Variants in FAM167A observed in about 807,000 individuals in gnomAD.
FAM167A encodes the protein family with sequence similarity 167 member A, also known as protein FAM167A.
FAM167A carries 23 observed loss-of-function variants against 14.9 expected under a neutral mutation model. The observed-to-expected ratio is 1.55, with a 90% CI of 1.11 to 2.19. The LOEUF is 2.19. Among genes scored for constraint, FAM167A ranks in the 30% most tolerant of loss-of-function variants. The pLI is 0.00. For synonymous variants in FAM167A, 174 were observed against 117.7 expected (o/e 1.48, Z -3.10); for missense variants, 401 against 281.5 (o/e 1.42, Z -3.04).
At position 11,444,626 on chromosome 8, in the gene FAM167A, C is replaced by T; in HGVS notation, c.-215G>A. 1 of 1,363,796 alleles carries T rather than the reference C, an allele frequency of 7.3e-7. No individual in the cohort carries two copies. Among genetic ancestry groups the T allele is most frequent in the East Asian group, 2.8e-5 (1 of 35,274 alleles). The allele number at this position is 1,363,796 out of a possible 1,614,324, so 84.5% of individuals were successfully genotyped here. ...AGGGCGCCCTCCTGGAGGCTCGGGTCTATGATCCGTCCTGGAAGCCTGTGG... is the reference window on the plus strand; with the variant it reads ...AGGGCGCCCTCCTGGAGGCTCGGGTTTATGATCCGTCCTGGAAGCCTGTGG... On this transcript the variant is annotated 5_prime_UTR_variant, in exon 2 of 3. An upstream open reading frame in the 5' UTR loses its in-frame stop. Coordinates refer to ENST00000284486, the MANE Select transcript of FAM167A (RefSeq NM_053279.3).
chr8:11,468,047 C>T (rs960600184), upstream of FAM167A, among the ~76,000 whole-genome samples: 4 of 152,184 alleles, frequency 2.6e-5, no homozygotes, highest in Non-Finnish European at 5.9e-5. Context: ...AGCAGCTTGC[C>T]CTACCCAGTT....
At chr8:11,464,871 T>C (rs1318517742) in intron 1 of FAM167A, among the ~76,000 whole-genome samples, 1 of 152,202 alleles carries the variant, frequency 6.6e-6, no homozygotes, top group Non-Finnish European at 1.5e-5. Flanking sequence ...CAGCAAATAG[T>C]TAGGCATGGC....
chr8:11,438,143 A>C (rs544912162), intron 2 of FAM167A: 1 of 456,574 alleles, frequency 2.2e-6, no homozygotes, highest in East Asian at 6.9e-5. Flanking sequence ...CTGAATGGAC[A>C]TGGGGCTGGA....
chr8:11,469,968 T>C (rs1807903274), upstream of FAM167A, among the ~76,000 whole-genome samples: 1 of 152,172 alleles, frequency 6.6e-6, no homozygotes, highest in African/African-American at 2.4e-5. Context: ...TCCCAATTCG[T>C]TTATTCATCT....
At chr8:11,442,716 G>T (rs550541411) in intron 2 of FAM167A, among the ~76,000 whole-genome samples, 12 of 152,078 alleles carry the variant, frequency 7.9e-5, no homozygotes, top group African/African-American at 2.9e-4. Flanking sequence ...AGCACCAGGG[G>T]TGATAGAGCA....
At chr8:11,426,610 C>T (rs889144234) in intron 2 of FAM167A, among the ~76,000 whole-genome samples, 4 of 152,058 alleles carry the variant, frequency 2.6e-5, no homozygotes, top group African/African-American at 9.7e-5. Flanking sequence ...CTATGCCTTT[C>T]CTCAAAGATG....
At chr8:11,470,009 T>C (rs1228747652), upstream of FAM167A, among the ~76,000 whole-genome samples, 1 of 152,272 alleles carries the variant, frequency 6.6e-6, no homozygotes, top group East Asian at 1.9e-4. Context: ...TACCACTAAA[T>C]ACCAGACATT....
intron 1 of FAM167A, among the ~76,000 whole-genome samples, chr8:11,455,894 AGT>A (rs1335974022): frequency 1.7e-5 from 1 of 57,516 alleles, no homozygotes; most frequent in Admixed American, 1.8e-4. Context: ...TGCCTTGCAG[AGT>A]GTGAGTGTGA....
At chr8:11,460,817 A>C (rs891895498) in intron 1 of FAM167A, among the ~76,000 whole-genome samples, 2 of 151,050 alleles carry the variant, frequency 1.3e-5, no homozygotes, top group Non-Finnish European at 3.0e-5. Context: ...TCCGAGTTGA[A>C]CCCTGCATCT....
At chr8:11,436,337 A>C (rs1408537053) in intron 2 of FAM167A, among the ~76,000 whole-genome samples, 1 of 152,200 alleles carries the variant, frequency 6.6e-6, no homozygotes, top group Non-Finnish European at 1.5e-5. Context: ...CCTGGAGAGC[A>C]AGTGGGGGCC....
chr8:11,442,552 A>G (rs61707317), intron 2 of FAM167A, among the ~76,000 whole-genome samples: 3 of 152,206 alleles, frequency 2.0e-5, no homozygotes, highest in Admixed American at 1.3e-4. Flanking sequence ...ACCAACAAAT[A>G]GTATCTTTGA....
intron 1 of FAM167A, 33 bp from the exon 2 acceptor site, chr8:11,444,841 A>C: frequency 1.0e-6 from 1 of 992,716 alleles, no homozygotes; most frequent in Non-Finnish European, 1.2e-6. Context: ...ATCAGTCCCG[A>C]TCCCTGCCCT....
Position 11,424,005 on chromosome 8 carries a change from G to T in FAM167A, c.*368C>A. The T allele has an allele frequency of 4.3e-6, 1 of 232,356 alleles. No homozygotes were observed. The highest frequency in any genetic ancestry group is 8.7e-5 in the South Asian group (1 of 11,448). 14.4% of individuals were successfully genotyped at this position (232,356 alleles called of 1,614,324 possible). A position where few individuals can be genotyped will look rare whatever the true frequency, so the allele number is the denominator to read the frequency against. On this transcript the variant is annotated 3_prime_UTR_variant, in exon 3 of 3. Coordinates refer to ENST00000284486, the MANE Select transcript of FAM167A (RefSeq NM_053279.3). ...GGGACAGCCTTCTGCAAAAATGACA[G>T]CTTTGTTGGGGGGCCTCCCTTTGGG...
chr8:11,443,264 C>T (rs577739907), intron 2 of FAM167A, among the ~76,000 whole-genome samples: 17 of 152,230 alleles, frequency 1.1e-4, no homozygotes, highest in South Asian at 2.1e-4. Flanking sequence ...TCTGCCCCCC[C>T]ACCCTGTTCT....
At chr8:11,461,471 A>C (rs1807535399) in intron 1 of FAM167A, among the ~76,000 whole-genome samples, 1 of 152,270 alleles carries the variant, frequency 6.6e-6, no homozygotes, top group Non-Finnish European at 1.5e-5. Context: ...AGAGGGCAGA[A>C]AGTAGACACA....
intron 1 of FAM167A, among the ~76,000 whole-genome samples, chr8:11,455,404 TG>T (rs1189116806): frequency 3.8e-5 from 3 of 79,584 alleles, no homozygotes; most frequent in African/African-American, 5.3e-5. Context: ...ATTGTGAGTG[TG>T]GGGGGTGGCT....
chr8:11,439,671 A>AG (rs1806310196), intron 2 of FAM167A, among the ~76,000 whole-genome samples: 2 of 132,964 alleles, frequency 1.5e-5, no homozygotes, highest in Admixed American at 1.7e-4. Context: ...TGAAACTAGA[A>AG]GAAAAATATC....
intron 2 of FAM167A, among the ~76,000 whole-genome samples, chr8:11,431,481 A>T (rs886085231): frequency 6.6e-6 from 1 of 152,236 alleles, no homozygotes; most frequent in Non-Finnish European, 1.5e-5. Flanking sequence ...CTGCACAGCA[A>T]TGTGAATATA....
intron 2 of FAM167A, among the ~76,000 whole-genome samples, chr8:11,442,764 T>A (rs1405731124): frequency 1.3e-5 from 2 of 151,886 alleles, no homozygotes; most frequent in African/African-American, 4.8e-5. Flanking sequence ...GTGCCTCATC[T>A]TCTCCGAAGC....
Sources: allele counts gnomAD v4.1 joint callset (sites outside exome capture counted in the v4.1 genomes callset), GRCh38; gene constraint gnomAD v4.1.1; transcripts MANE v1.5; gene names NCBI Gene and HGNC (gene_info 2026-07-23, HGNC 2026-07-21).